Variants in TTC23L observed in about 807,000 individuals in gnomAD.
The protein encoded by TTC23L is tetratricopeptide repeat domain 23 like.
TTC23L carries 42 observed loss-of-function variants against 48.1 expected under a neutral mutation model. The ratio of observed to expected loss-of-function variants is 0.87; its 90% CI spans 0.68 to 1.13. The LOEUF is 1.13. Among genes scored for constraint, TTC23L ranks in the 50% most tolerant of loss-of-function variants. The pLI, the probability that TTC23L is intolerant of heterozygous loss-of-function variation, is 0.00. For synonymous variants in TTC23L, 159 were observed against 157.2 expected, an observed-to-expected ratio of 1.01 and a Z score of -0.09; for missense variants, 391 against 421.0, an observed-to-expected ratio of 0.93 and a Z score of 0.62.
the TTC23L span, chr5:34,907,433 C>T: frequency 6.6e-6 from 1 of 152,198 alleles, no homozygotes; most frequent in Admixed American, 6.5e-5. Context: ...TGGAGGGACA[C>T]TCAGCTGTTG....
At chr5:34,877,361 C>CTTTTTTTTTT (rs796888113) in intron 8 of TTC23L, among the ~76,000 whole-genome samples, 1 of 121,098 alleles carries the variant, frequency 8.3e-6, no homozygotes. Context: ...CACCATTGTT[C>CTTTTTTTTTT]TTTTTTTTTT....
chr5:34,922,063 G>A, the TTC23L span: 1 of 434,888 alleles, frequency 2.3e-6, no homozygotes, highest in South Asian at 5.2e-5. Context: ...AACTTTAAAG[G>A]TTCCTTCTGT....
the TTC23L span, among the ~76,000 whole-genome samples, chr5:34,910,324 C>T: frequency 1.3e-5 from 2 of 152,176 alleles, no homozygotes; most frequent in African/African-American, 4.8e-5. Context: ...CTTCATTCCA[C>T]TGCTAAAGTA....
At chr5:34,873,220 A>C (rs1276992315) in intron 8 of TTC23L, among the ~76,000 whole-genome samples, 1 of 152,270 alleles carries the variant, frequency 6.6e-6, no homozygotes, top group Non-Finnish European at 1.5e-5. Context: ...ACTACAAAGT[A>C]AGATTTCATT....
chr5:34,889,953 C>T lies in TTC23L; in HGVS notation c.1078-6817C>T, dbSNP rs574238104. Among the ~76,000 whole-genome samples, 5 of 151,990 alleles carry T rather than the reference C, an allele frequency of 3.3e-5. No individual in the cohort carries two copies. In the South Asian group the frequency reaches 1.0e-3, roughly 32 times the overall value. On this transcript the variant is annotated intron_variant, in intron 9 of 10. Transcript: ENST00000505624. ...TCCCGAGTTCAAGTGATTCTCCTGC[C>T]TCAGCCTCCCGAGTAGCTGGGACTA...
At chr5:34,923,148 C>T in the TTC23L span, 18 of 1,613,340 alleles carry the variant, frequency 1.1e-5, no homozygotes, top group African/African-American at 5.3e-5. Context: ...TAGTACACCA[C>T]GGTATCATCC....
chr5:34,871,200 AT>A (rs1373161621), intron 8 of TTC23L, among the ~76,000 whole-genome samples: 2 of 152,164 alleles, frequency 1.3e-5, no homozygotes, highest in Non-Finnish European at 2.9e-5. Flanking sequence ...TAGAACTAAT[AT>A]GTTTAAGTGT....
At chr5:34,923,481 T>C in the TTC23L span, 1 of 444,522 alleles carries the variant, frequency 2.2e-6, no homozygotes, top group Non-Finnish European at 4.1e-6. Context: ...TTTCGCCATG[T>C]TGGCCAGGCT....
intron 2 of TTC23L, among the ~76,000 whole-genome samples, chr5:34,841,452 C>T (rs909451361): frequency 6.6e-6 from 1 of 152,124 alleles, no homozygotes; most frequent in African/African-American, 2.4e-5. Flanking sequence ...AGGGAGTTTG[C>T]CCAAAGTTGC....
the TTC23L span, chr5:34,920,008 C>T: frequency 1.6e-5 from 8 of 508,044 alleles, no homozygotes; most frequent in Non-Finnish European, 2.5e-5. Context: ...ATTTTATTAA[C>T]TCTTCAATAA....
At chr5:34,862,789 A>C in intron 4 of TTC23L, 109 bp from the exon 5 acceptor site, 1 of 1,278,864 alleles carries the variant, frequency 7.8e-7, no homozygotes, top group Non-Finnish European at 1.1e-6. Context: ...AATGCTATAG[A>C]CCATACGACA....
the TTC23L span, chr5:34,916,159 C>T: frequency 2.9e-6 from 1 of 340,448 alleles, no homozygotes; most frequent in Non-Finnish European, 5.3e-6. Flanking sequence ...TCAGATCCAG[C>T]GTTCTTTCTT....
At chr5:34,912,928 G>A in the TTC23L span, among the ~76,000 whole-genome samples, 1 of 152,176 alleles carries the variant, frequency 6.6e-6, no homozygotes, top group Non-Finnish European at 1.5e-5. Flanking sequence ...TTGAACCCGG[G>A]AGGCAGAGGT....
At chr5:34,891,775 G>A (rs996324863) in intron 9 of TTC23L, among the ~76,000 whole-genome samples, 13 of 152,100 alleles carry the variant, frequency 8.5e-5, no homozygotes, top group African/African-American at 2.2e-4. Context: ...CTAATTCTTC[G>A]GTAGCCTGAG....
At chr5:34,902,245 C>T (rs993355520), downstream of TTC23L, among the ~76,000 whole-genome samples, 2 of 151,864 alleles carry the variant, frequency 1.3e-5, no homozygotes, top group Non-Finnish European at 2.9e-5. Context: ...GCCAACACGG[C>T]TCTCTACCAA....
chr5:34,925,439 A>G, the TTC23L span: 1 of 1,613,970 alleles, frequency 6.2e-7, no homozygotes, highest in Non-Finnish European at 8.5e-7. Context: ...AAAGAAACGG[A>G]TTTACAAAAG....
At chr5:34,839,916 A>G (rs1050816603) in intron 1 of TTC23L, among the ~76,000 whole-genome samples, 2 of 152,136 alleles carry the variant, frequency 1.3e-5, no homozygotes, top group Non-Finnish European at 2.9e-5. Flanking sequence ...TTATTGTTTT[A>G]TTTTATTTTG....
intron 4 of TTC23L, among the ~76,000 whole-genome samples, chr5:34,856,884 TGGA>T (rs1235195390): frequency 1.3e-3 from 194 of 152,252 alleles, no homozygotes; most frequent in Non-Finnish European, 3.1e-4. Context: ...CCATAGTGGT[TGGA>T]GGAGAAGCCA....
At chr5:34,904,077 C>A (rs1224476119), downstream of TTC23L, among the ~76,000 whole-genome samples, 1 of 151,734 alleles carries the variant, frequency 6.6e-6, no homozygotes, top group Non-Finnish European at 1.5e-5. Flanking sequence ...GCAATCCTCC[C>A]GCCTTAGCCT....
Sources: allele counts gnomAD v4.1 joint callset (sites outside exome capture counted in the v4.1 genomes callset), GRCh38; gene constraint gnomAD v4.1.1; transcripts MANE v1.5; gene names NCBI Gene and HGNC (gene_info 2026-07-23, HGNC 2026-07-21).